NFASC: variants seen among roughly 807,000 people sequenced by gnomAD.
The protein encoded by NFASC is neurofascin homolog.
NFASC carries 43 observed loss-of-function variants against 147.5 expected under a neutral mutation model. The ratio of observed to expected loss-of-function variants is 0.29; its 90% CI spans 0.23 to 0.38. NFASC has a LOEUF of 0.38. Ranked by LOEUF, NFASC falls within the 10% of genes least tolerant of loss-of-function variation. The pLI is 1.00. For missense variants in NFASC, 1,320 were observed against 1,689.0 expected (o/e 0.78, Z 3.83); for synonymous variants, 622 against 665.5 (o/e 0.93, Z 1.01).
At position 204,997,395 on chromosome 1, in the gene NFASC, T is replaced by C; in HGVS notation, c.3008T>C (p.Ile1003Thr). The part of the protein sequence containing the change: ...SPPTTTSGTK[I>T]HESAPDEQSI... The stretch of plus-strand genomic sequence containing the variant: ...CCCACCACCACCTCCGGGACTAAGA[T>C]ACACGAATCCGGTACTGCGCATCGC... The change falls in exon 25 of 30, where the codon ATA (isoleucine) becomes ACA (threonine). Residue 1003 changes from isoleucine to threonine, a missense_variant. By Grantham distance (89) the Ile-to-Thr change is moderately conservative. Around this residue, in one of 3 missense-constraint regions of NFASC, gnomAD observed 172 missense variants for 165.8 expected, o/e 1.04. Coordinates refer to ENST00000339876, the MANE Select transcript of NFASC (RefSeq NM_001005388.3). 1 of 1,552,060 alleles carries C rather than the reference T, an allele frequency of 6.4e-7. No individual in the cohort carries two copies. Among genetic ancestry groups the C allele is most frequent in the South Asian group, 1.2e-5 (1 of 84,148 alleles).
chr1:204,969,424 C>T (rs536078417), intron 10 of NFASC, among the ~76,000 whole-genome samples: 30 of 152,330 alleles, frequency 2.0e-4, no homozygotes, highest in African/African-American at 7.2e-4. Context: ...AAAATCACTT[C>T]CTTCCCCCCA....
At chr1:204,932,764 AG>A (rs146057465) in intron 2 of NFASC, among the ~76,000 whole-genome samples, 280 of 152,356 alleles carry the variant, frequency 1.8e-3, no homozygotes, top group African/African-American at 6.3e-3. Flanking sequence ...GGACGTTTAC[AG>A]ATGTTTCCCA....
intron 1 of NFASC, among the ~76,000 whole-genome samples, chr1:204,860,606 AT>A (rs546897020): frequency 3.2e-4 from 49 of 152,218 alleles, no homozygotes; most frequent in Non-Finnish European, 4.4e-4. Flanking sequence ...ATTGGTTAAA[AT>A]TTACCGTTTT....
At position 205,001,276 on chromosome 1, in the gene NFASC, G is replaced by A; in HGVS notation, c.3126G>A (p.Glu1042=). 6.2e-7 allele frequency: 1 copy of A among 1,609,024 alleles called. No individual in the cohort carries two copies. The highest frequency in any genetic ancestry group is 8.5e-7 in the Non-Finnish European group (1 of 1,176,720). The part of the protein sequence containing the change: ...NFGPGTDFVV[E]YIDSNHTKKT... ...GGCCCGGAACTGACTTTGTGGTTGA[G>A]TACATCGACAGTAAGCATTGCTGTG... The change falls in exon 26 of 30, where the codon GAG becomes GAA. Residue 1042 remains glutamate (E), a synonymous_variant. Coordinates refer to ENST00000339876, the MANE Select transcript of NFASC (RefSeq NM_001005388.3).
At chr1:205,002,330 C>T (rs1414498476) in intron 26 of NFASC, among the ~76,000 whole-genome samples, 1 of 152,216 alleles carries the variant, frequency 6.6e-6, no homozygotes, top group Non-Finnish European at 1.5e-5. Context: ...TATAATATGT[C>T]TAGTGTGAAG....
At chr1:204,915,145 T>C (rs1161756635) in intron 1 of NFASC, among the ~76,000 whole-genome samples, 2 of 151,998 alleles carry the variant, frequency 1.3e-5, no homozygotes, top group African/African-American at 4.8e-5. Context: ...CCGGGCGTGG[T>C]GGTGGGTGCC....
Position 204,851,157 on chromosome 1 carries a change from A to G in NFASC, c.-200+22375A>G, listed in dbSNP as rs202174412. Reference sequence around the variant, plus strand: ...AGTCTGAAAGCTTCTCTTTTTTAGAAGCAAAATTTAAAACTGACAAAGCAC... The same window carrying G: ...AGTCTGAAAGCTTCTCTTTTTTAGAGGCAAAATTTAAAACTGACAAAGCAC... On this transcript the variant is annotated intron_variant, in intron 1 of 29. Coordinates refer to ENST00000339876, the MANE Select transcript of NFASC (RefSeq NM_001005388.3). Among the ~76,000 whole-genome samples the G allele has an allele frequency of 8.5e-5, 13 of 152,326 alleles. No individual in the cohort carries two copies. In the East Asian group the frequency reaches 2.5e-3, roughly 29 times the overall value.
rs2095314749 is a variant in NFASC at position 204,973,422 on chromosome 1, G to A, written c.1279+3G>A. ...CAACGCCTTTGTCAGTGTGCTGGGT[G>A]AGTGTGCCCTTCGCAGCCTGTTTCC... is the stretch of plus-strand genomic sequence containing the variant. On this transcript the variant is annotated splice_donor_region_variant and intron_variant, in intron 12 of 29. Transcript: ENST00000339876. The A allele has an allele frequency of 1.9e-6, 3 of 1,614,200 alleles. No homozygotes were observed. The highest frequency in any genetic ancestry group is 1.7e-6 in the Non-Finnish European group (2 of 1,180,008).
Position 204,957,596 on chromosome 1 carries a change from C to T in NFASC, c.536-60C>T, listed in dbSNP as rs540773909. The T allele has an allele frequency of 2.2e-5, 34 of 1,521,752 alleles. No homozygotes were observed. In the African/African-American group the frequency reaches 2.9e-4, roughly 13 times the overall value. 94.3% of individuals were successfully genotyped at this position (1,521,752 alleles called of 1,614,324 possible). On this transcript the variant is annotated intron_variant, in intron 7 of 29. Transcript: ENST00000339876. ...GTAAAGTGTTCTGTCGCCAGGACTGCGGTGGTGATGATTACTGTTATTACT... is the reference window on the plus strand; with the variant it reads ...GTAAAGTGTTCTGTCGCCAGGACTGTGGTGGTGATGATTACTGTTATTACT...
intron 1 of NFASC, among the ~76,000 whole-genome samples, chr1:204,912,484 G>A (rs2149342580): frequency 6.7e-6 from 1 of 150,302 alleles, no homozygotes; most frequent in Admixed American, 6.6e-5. Context: ...ATTACCTGAG[G>A]CCAAGAGTTC....
chr1:204,955,181 T>C (rs982598530), intron 7 of NFASC, among the ~76,000 whole-genome samples: 2 of 152,194 alleles, frequency 1.3e-5, no homozygotes, highest in East Asian at 1.9e-4. Flanking sequence ...AGCAAATTGC[T>C]TACATCTCTG....
At position 205,017,922 on chromosome 1, in the gene NFASC, C is replaced by G. The variant is rs973648286; in HGVS notation, c.*1383C>G. On this transcript the variant is annotated 3_prime_UTR_variant, in exon 30 of 30. Transcript: ENST00000339876. ...GGAGTTCCCAGGTTCCCAGCTCCCC[C>G]CCTGCAAGCCTTGAAGCCTCCAGCA... 3 of 152,924 alleles carry G rather than the reference C, an allele frequency of 2.0e-5. No homozygotes were observed. Among genetic ancestry groups the G allele is most frequent in the East Asian group, 1.9e-4 (1 of 5,204 alleles). The allele number at this position is 152,924 out of a possible 1,614,324, so 9.5% of individuals were successfully genotyped here.
chr1:204,909,165 A>G (rs1186743986), intron 1 of NFASC, among the ~76,000 whole-genome samples: 4 of 152,230 alleles, frequency 2.6e-5, no homozygotes, highest in Non-Finnish European at 4.4e-5. Flanking sequence ...CTGCCAAACC[A>G]TATTCTAGAC....
chr1:204,916,301 T>C (rs2089234014), intron 1 of NFASC, among the ~76,000 whole-genome samples: 1 of 152,208 alleles, frequency 6.6e-6, no homozygotes, highest in African/African-American at 2.4e-5. Context: ...AGAGGGACAG[T>C]CTATTTCCTG....
At chr1:204,912,862 A>AT (rs992330369) in intron 1 of NFASC, among the ~76,000 whole-genome samples, 7 of 120,996 alleles carry the variant, frequency 5.8e-5, no homozygotes, top group Admixed American at 2.9e-4. Context: ...TCTCCAAAAA[A>AT]AAAAATAATT....
chr1:204,867,055 T>C (rs1311026413), intron 1 of NFASC, among the ~76,000 whole-genome samples: 1 of 152,162 alleles, frequency 6.6e-6, no homozygotes, highest in African/African-American at 2.4e-5. Flanking sequence ...GCAGTGTAGA[T>C]GTTACTATCC....
chr1:204,923,847 AC>A (rs900442533), intron 2 of NFASC, among the ~76,000 whole-genome samples: 3 of 151,818 alleles, frequency 2.0e-5, no homozygotes, highest in African/African-American at 7.3e-5. Context: ...TGTGCTGTTT[AC>A]CTCCTTTCTG....
intron 27 of NFASC, chr1:205,008,519 C>G (rs1169017209): frequency 6.6e-6 from 1 of 152,610 alleles, no homozygotes; most frequent in Non-Finnish European, 1.5e-5. Context: ...CGTTCTGTGA[C>G]AGGCTGCATT....
chr1:204,868,858 G>A (rs1022976362), intron 1 of NFASC, among the ~76,000 whole-genome samples: 7 of 152,110 alleles, frequency 4.6e-5, no homozygotes, highest in Non-Finnish European at 8.8e-5. Flanking sequence ...CTTTTGTTCC[G>A]CTTCAATGTG....
Sources: gnomAD v4.1 joint callset for allele counts (sites outside exome capture counted in the v4.1 genomes callset) on GRCh38, gnomAD v4.1.1 for gene constraint, gnomAD v4.1.1 regional missense constraint, MANE v1.5 for transcripts, NCBI Gene and HGNC (gene_info 2026-07-23, HGNC 2026-07-21) for gene names.